The following HYDIN variants were observed in gnomAD, a reference collection of about 807,000 sequenced individuals.
HYDIN encodes the protein HYDIN axonemal central pair apparatus protein.
Under a neutral mutation model 403.9 loss-of-function variants are expected in HYDIN, and 132 were observed. The observed-to-expected ratio is 0.33, with a 90% confidence interval of 0.28 to 0.38. The LOEUF (loss-of-function observed/expected upper bound fraction) is 0.38. Among genes scored for constraint, HYDIN ranks in the 10% least tolerant of loss-of-function variants. The probability of loss-of-function intolerance (pLI) is 1.00; values close to 1 mark genes in which losing one functional copy is unlikely to be tolerated. For missense variants in HYDIN, 2,827 were observed against 5,009.5 expected, an observed-to-expected ratio of 0.56 and a Z score of 13.15; for synonymous variants, 1,202 against 1,891.7, an observed-to-expected ratio of 0.64 and a Z score of 9.46.
chr16:71,024,758 C>T (rs563528995), intron 21 of HYDIN, among the ~76,000 whole-genome samples: 38 of 144,174 alleles, frequency 2.6e-4, no homozygotes, highest in Middle Eastern at 6.9e-3. Context: ...ACCTTCTCTC[C>T]CTTGTCCCCT....
intron 10 of HYDIN, among the ~76,000 whole-genome samples, chr16:71,094,689 C>T (rs1269820749): frequency 3.7e-4 from 57 of 152,268 alleles, no homozygotes; most frequent in African/African-American, 1.3e-3. Context: ...ACAAAGGCAA[C>T]GTCGTGATAA....
intron 53 of HYDIN, among the ~76,000 whole-genome samples, chr16:70,897,630 G>A (rs2076242688): frequency 6.9e-6 from 1 of 144,328 alleles, no homozygotes. Flanking sequence ...GAGGCAGTGG[G>A]GAGGCTGAAT....
chr16:71,114,583 ACTT>A (rs1440517788), intron 10 of HYDIN, among the ~76,000 whole-genome samples: 5 of 151,336 alleles, frequency 3.3e-5, no homozygotes, highest in Non-Finnish European at 7.4e-5. Flanking sequence ...AGCTTCCAGG[ACTT>A]CTCAATGGAC....
chr16:71,228,858 T>C (rs188161377), intron 1 of HYDIN, among the ~76,000 whole-genome samples: 396 of 152,200 alleles, frequency 2.6e-3, no homozygotes, highest in African/African-American at 9.3e-3. Context: ...CATGCACACA[T>C]ATGTTTATTG....
chr16:70,834,757 A>G (rs1304270690), intron 78 of HYDIN, among the ~76,000 whole-genome samples: 1 of 151,792 alleles, frequency 6.6e-6, no homozygotes, highest in Non-Finnish European at 1.5e-5. Context: ...CTGAGGCAGG[A>G]GAATCACTTG....
chr16:71,077,432 C>G (rs2082652753), intron 13 of HYDIN, among the ~76,000 whole-genome samples: 1 of 152,072 alleles, frequency 6.6e-6, no homozygotes, highest in South Asian at 2.1e-4. Flanking sequence ...ATTTAAAAAT[C>G]TACTTTTTAA....
At chr16:71,087,357 T>C (rs2082961737) in intron 12 of HYDIN, among the ~76,000 whole-genome samples, 1 of 151,130 alleles carries the variant, frequency 6.6e-6, no homozygotes, top group Admixed American at 6.6e-5. Context: ...CTTCTCTTTA[T>C]TTTTTCACAT....
chr16:70,961,043 C>T (rs1256138661), intron 38 of HYDIN, among the ~76,000 whole-genome samples: 1 of 152,140 alleles, frequency 6.6e-6, no homozygotes, highest in African/African-American at 2.4e-5. Flanking sequence ...ATGGCTTTGT[C>T]ACAATTTCAC....
intron 83 of HYDIN, among the ~76,000 whole-genome samples, chr16:70,818,867 C>T (rs564217855): frequency 3.9e-5 from 6 of 152,134 alleles, no homozygotes; most frequent in South Asian, 2.1e-4. Flanking sequence ...GACAGCTGGC[C>T]GGCTCTGGAA....
chr16:70,809,868 T>G lies in HYDIN; in HGVS notation c.14798A>C (p.His4933Pro), dbSNP rs759390020. 1 of 1,614,238 alleles carries G rather than the reference T, an allele frequency of 6.2e-7. No homozygotes were observed. Among genetic ancestry groups the G allele is most frequent in the Non-Finnish European group, 8.5e-7 (1 of 1,180,032 alleles). ...ATPALPEKPVHFQTVLGSSQI... is the reference protein window; with the variant it reads ...ATPALPEKPVPFQTVLGSSQI... ...GCTGCTGCCAAGGACAGTCTGGAAG[T>G]GAACAGGCTTTTCCGGAAGTGCTGG... The change falls in exon 85 of 86, where the codon CAC becomes CCC. Residue 4933 changes from histidine (H) to proline (P), a missense_variant. By Grantham distance (77) the His-to-Pro change is moderately conservative (BLOSUM62 -2). Transcript: ENST00000393567.
At chr16:71,043,184 T>G (rs545498997) in intron 18 of HYDIN, among the ~76,000 whole-genome samples, 1 of 151,534 alleles carries the variant, frequency 6.6e-6, no homozygotes, top group East Asian at 1.9e-4. Flanking sequence ...TTTTTGGTTT[T>G]GACCATGATT....
At chr16:71,145,686 A>G (rs1387608048) in intron 7 of HYDIN, among the ~76,000 whole-genome samples, 2 of 152,204 alleles carry the variant, frequency 1.3e-5, no homozygotes, top group Non-Finnish European at 2.9e-5. Context: ...GGCAAAATGC[A>G]GCCGCATTTC....
intron 41 of HYDIN, among the ~76,000 whole-genome samples, chr16:70,946,641 G>C (rs544030523): frequency 6.6e-6 from 1 of 152,268 alleles, no homozygotes; most frequent in East Asian, 1.9e-4. Flanking sequence ...GCTAGGTAGT[G>C]AGGATGAGGA....
intron 10 of HYDIN, among the ~76,000 whole-genome samples, chr16:71,103,776 T>C (rs2144415889): frequency 6.6e-6 from 1 of 152,076 alleles, no homozygotes; most frequent in South Asian, 2.1e-4. Context: ...TGTCAATTTC[T>C]ACAAAAAAAC....
chr16:71,161,414 G>A (rs1232767476), intron 6 of HYDIN, among the ~76,000 whole-genome samples: 3 of 152,220 alleles, frequency 2.0e-5, no homozygotes, highest in African/African-American at 7.2e-5. Flanking sequence ...CCAGTTCATG[G>A]CCCGGGGGTT....
intron 1 of HYDIN, among the ~76,000 whole-genome samples, chr16:71,216,516 G>T (rs2088890549): frequency 1.3e-5 from 2 of 152,166 alleles, no homozygotes; most frequent in African/African-American, 2.4e-5. Flanking sequence ...GAAGAGGAGG[G>T]CTATGATGGA....
intron 36 of HYDIN, among the ~76,000 whole-genome samples, chr16:70,968,674 G>A (rs1446262622): frequency 3.9e-5 from 6 of 151,968 alleles, no homozygotes; most frequent in African/African-American, 1.2e-4. Flanking sequence ...TTTCAGAAAA[G>A]GCCAGTTAAA....
chr16:70,883,990 G>C lies in HYDIN; in HGVS notation c.9909C>G (p.Ile3303Met). ...GKCEEFIAID[I>M]SGRDPAVHPA... Reference sequence around the variant, plus strand: ...GGTGGACTGCAGGGTCTCGGCCGGAGATATCGATGGCTATAAACTCCTCAC... The same window carrying C: ...GGTGGACTGCAGGGTCTCGGCCGGACATATCGATGGCTATAAACTCCTCAC... Residue 3303 changes from isoleucine (I) to methionine (M), a missense_variant, in exon 59 of 86, where the codon ATC (isoleucine) becomes ATG (methionine). Transcript: ENST00000393567. 1.9e-6 allele frequency: 3 copies of C among 1,614,184 alleles called. No homozygotes were observed. Among genetic ancestry groups the C allele is most frequent in the Non-Finnish European group, 2.5e-6 (3 of 1,180,036 alleles).
intron 25 of HYDIN, 148 bp downstream of exon 25, chr16:70,991,170 T>G (rs1366409283): frequency 7.4e-6 from 8 of 1,083,250 alleles, no homozygotes; most frequent in Non-Finnish European, 1.0e-5. Flanking sequence ...TCTGGGGTGT[T>G]TGGCTGGGAA....
Sources: gnomAD v4.1 joint callset for allele counts (sites outside exome capture counted in the v4.1 genomes callset) on GRCh38, gnomAD v4.1.1 for gene constraint, MANE v1.5 for transcripts, NCBI Gene and HGNC (gene_info 2026-07-23, HGNC 2026-07-21) for gene names.